SOX5: variants seen among roughly 807,000 people sequenced by gnomAD.
The protein encoded by SOX5 is transcription factor SOX-5.
Under a neutral mutation model 92.0 loss-of-function variants are expected in SOX5, and 9 were observed. The observed-to-expected ratio is 0.10, with a 90% confidence interval of 0.06 to 0.17. The LOEUF (loss-of-function observed/expected upper bound fraction) is 0.17. Ranked by LOEUF, SOX5 falls within the 10% of genes least tolerant of loss-of-function variation. The pLI is 1.00. For synonymous variants in SOX5, 344 were observed against 336.3 expected, an observed-to-expected ratio of 1.02 and a Z score of -0.25; for missense variants, 642 against 944.5, an observed-to-expected ratio of 0.68 and a Z score of 4.20.
At chr12:23,680,325 CAAAAAAAAAAAAAA>C (rs57754255) in intron 6 of SOX5, among the ~76,000 whole-genome samples, 1 of 48,390 alleles carries the variant, frequency 2.1e-5, no homozygotes, top group Non-Finnish European at 3.9e-5. Flanking sequence ...GACCTTGTCT[CAAAAAAAAAAAAAA>C]AAAAAAAAGA....
At chr12:23,592,490 CA>C (rs1566111570) in intron 9 of SOX5, among the ~76,000 whole-genome samples, 1 of 152,148 alleles carries the variant, frequency 6.6e-6, no homozygotes, top group South Asian at 2.1e-4. Flanking sequence ...TAAGAAGCAT[CA>C]AAAGATACTA....
intron 1 of SOX5, among the ~76,000 whole-genome samples, chr12:24,485,476 C>T (rs1160473408): frequency 2.0e-5 from 3 of 152,160 alleles, no homozygotes; most frequent in African/African-American, 7.2e-5. Context: ...GGGAAAATGA[C>T]TCGACCAGAA....
At chr12:24,258,445 T>C (rs753163688) in intron 3 of SOX5, among the ~76,000 whole-genome samples, 7 of 152,232 alleles carry the variant, frequency 4.6e-5, no homozygotes, top group Admixed American at 1.3e-4. Context: ...TTATCACCAT[T>C]GGCTAATAAA....
intron 3 of SOX5, among the ~76,000 whole-genome samples, chr12:23,779,471 C>T (rs1298183470): frequency 1.3e-5 from 2 of 150,924 alleles, no homozygotes; most frequent in Admixed American, 6.6e-5. Flanking sequence ...TGTTAATACA[C>T]ATATTCAAAA....
At chr12:24,507,625 T>C (rs1450177008) in intron 1 of SOX5, among the ~76,000 whole-genome samples, 1 of 152,216 alleles carries the variant, frequency 6.6e-6, no homozygotes, top group Non-Finnish European at 1.5e-5. Context: ...ATTTTCATTA[T>C]GTGCAGGGAA....
In SOX5 at chr12:24,168,792, A is replaced by G. The variant is rs116204145; in HGVS notation, c.-2+44551T>C. 4.9e-3 allele frequency among the ~76,000 whole-genome samples: 740 copies of G among 152,320 alleles called. 12 individuals are homozygous for G. Among genetic ancestry groups the G allele is most frequent in the African/African-American group, 0.017 (700 of 41,574 alleles). Reference sequence around the variant, plus strand: ...GCCCACGGTGGGAGGAAAATCTTACATATCTATGAAATGATGGGCAGGCGT... The same window carrying G: ...GCCCACGGTGGGAGGAAAATCTTACGTATCTATGAAATGATGGGCAGGCGT... On this transcript the variant is annotated intron_variant, in intron 4 of 4. Coordinates refer to the SOX5 transcript ENST00000446891.
At chr12:23,621,494 C>A (rs1430478820) in intron 8 of SOX5, among the ~76,000 whole-genome samples, 2 of 151,924 alleles carry the variant, frequency 1.3e-5, no homozygotes, top group Admixed American at 6.6e-5. Flanking sequence ...ATTAAGAGGG[C>A]GTTAGAAAAA....
intron 4 of SOX5, among the ~76,000 whole-genome samples, chr12:23,965,897 C>T (rs1275595313): frequency 2.6e-5 from 4 of 152,062 alleles, no homozygotes; most frequent in Admixed American, 2.0e-4. Context: ...GGGATTGCAG[C>T]TGTGAGCCAC....
intron 4 of SOX5, among the ~76,000 whole-genome samples, chr12:24,167,761 C>T (rs1461770537): frequency 6.6e-6 from 1 of 152,226 alleles, no homozygotes; most frequent in Non-Finnish European, 1.5e-5. Context: ...TCTTAACAAA[C>T]ATGACATAGT....
intron 8 of SOX5, among the ~76,000 whole-genome samples, chr12:23,613,631 A>G (rs1232021339): frequency 6.6e-6 from 1 of 152,236 alleles, no homozygotes; most frequent in Non-Finnish European, 1.5e-5. Flanking sequence ...TGATGGATGA[A>G]TGGATAAACA....
rs544791720 is a variant in SOX5 at position 23,865,226 on chromosome 12, A to C, written c.271-19033T>G. ...CACAAAAAGAGAGATTCATTTAAAA[A>C]TACTACTGCTCATTGACAACGCACC... On this transcript the variant is annotated intron_variant, in intron 2 of 14. Coordinates refer to ENST00000451604, the MANE Select transcript of SOX5 (RefSeq NM_006940.6). 1.6e-3 allele frequency among the ~76,000 whole-genome samples: 249 copies of C among 152,340 alleles called. 2 individuals carry two copies. The highest frequency in any genetic ancestry group is 5.5e-3 in the African/African-American group (229 of 41,584).
chr12:23,566,408 A>AT (rs1178711449), intron 10 of SOX5, among the ~76,000 whole-genome samples: 1 of 152,130 alleles, frequency 6.6e-6, no homozygotes, highest in African/African-American at 2.4e-5. Flanking sequence ...TCCAAAGGAC[A>AT]TTTTCCATTT....
chr12:24,453,336 A>G (rs1942590497), intron 1 of SOX5, among the ~76,000 whole-genome samples: 1 of 152,222 alleles, frequency 6.6e-6, no homozygotes, highest in South Asian at 2.1e-4. Flanking sequence ...GCAAAAGTGC[A>G]TGCTGAAGTG....
intron 8 of SOX5, among the ~76,000 whole-genome samples, chr12:23,634,520 T>C (rs890224344): frequency 6.6e-6 from 1 of 152,086 alleles, no homozygotes; most frequent in Non-Finnish European, 1.5e-5. Context: ...GAAGGGAGTA[T>C]GCCTTGGTAA....
chr12:23,546,074 T>G (rs1462734939), intron 12 of SOX5, among the ~76,000 whole-genome samples: 2 of 152,130 alleles, frequency 1.3e-5, no homozygotes, highest in African/African-American at 4.8e-5. Flanking sequence ...TCAAAACTCC[T>G]GAGGCTCAGG....
chr12:24,267,107 C>G (rs978943377), intron 3 of SOX5, among the ~76,000 whole-genome samples: 5 of 152,118 alleles, frequency 3.3e-5, no homozygotes, highest in African/African-American at 9.7e-5. Flanking sequence ...TAGGATAACA[C>G]TTGTGCCACT....
Position 24,251,598 on chromosome 12 carries a change from T to C in SOX5, c.-77+25618A>G, listed in dbSNP as rs537200947. ...TTTTTTTTTTTTTCTTCAGATGAAG[T>C]CTCACTTTTGTCGCCCAGGCTGGAG... On this transcript the variant is annotated intron_variant, in intron 3 of 4. Transcript: ENST00000446891. Among the ~76,000 whole-genome samples, 10 of 150,898 alleles carry C rather than the reference T, an allele frequency of 6.6e-5. No individual in the cohort carries two copies. The South Asian group carries it at 1.9e-3, about 29-fold the overall frequency.
chr12:23,976,390 T>TAAAAAAAAA (rs1327142180), intron 4 of SOX5, among the ~76,000 whole-genome samples: 5 of 111,586 alleles, frequency 4.5e-5, no homozygotes, highest in East Asian at 2.7e-4. Flanking sequence ...TGAACACTAT[T>TAAAAAAAAA]AAAAAAACAA....
chr12:24,155,696 G>T lies in SOX5; in HGVS notation c.-2+57647C>A, dbSNP rs139212322. 1.8e-3 allele frequency among the ~76,000 whole-genome samples: 275 copies of T among 152,240 alleles called. 2 individuals are homozygous for T. Among genetic ancestry groups the T allele is most frequent in the African/African-American group, 6.3e-3 (262 of 41,552 alleles). On this transcript the variant is annotated intron_variant, in intron 4 of 4. Transcript: ENST00000446891. ...CTTTCAAACACAAAAGATAAAGTAA[G>T]GTGAATGAGTTCAAACCCATCTCTT... is the stretch of plus-strand genomic sequence containing the variant.
Sources: allele counts gnomAD v4.1 joint callset (sites outside exome capture counted in the v4.1 genomes callset), GRCh38; gene constraint gnomAD v4.1.1; transcripts MANE v1.5; gene names NCBI Gene and HGNC (gene_info 2026-07-23, HGNC 2026-07-21).